The following MYO5B variants were observed in gnomAD, a reference collection of about 807,000 sequenced individuals.
MYO5B encodes the protein unconventional myosin-Vb.
Under a neutral mutation model 229.3 loss-of-function variants are expected in MYO5B, and 143 were observed. The observed-to-expected ratio is 0.62, with a 90% CI of 0.54 to 0.72. The LOEUF is 0.72. MYO5B is among the 30% of genes least tolerant of loss of function. The pLI, the probability that MYO5B is intolerant of heterozygous loss-of-function variation, is 0.00. For missense variants in MYO5B, 2,321 were observed against 2,331.0 expected (o/e 1.00, Z 0.09); for synonymous variants, 918 against 885.2 (o/e 1.04, Z -0.66).
intron 17 of MYO5B, among the ~76,000 whole-genome samples, chr18:49,914,460 C>A (rs1176555972): frequency 2.0e-5 from 3 of 152,070 alleles, no homozygotes; most frequent in Non-Finnish European, 4.4e-5. Flanking sequence ...TAAGAGGGCC[C>A]TTTAAAAATG....
chr18:50,105,249 A>AAATAAATAAATAAATAAAT (rs151090358), intron 1 of MYO5B, among the ~76,000 whole-genome samples: 25 of 141,386 alleles, frequency 1.8e-4, no homozygotes, highest in East Asian at 1.2e-3. Context: ...ATAAATAAAT[A>AAATAAATAAATAAATAAAT]AAAAATAGAT....
At chr18:49,842,482 G>A (rs931610225) in intron 34 of MYO5B, among the ~76,000 whole-genome samples, 4 of 152,240 alleles carry the variant, frequency 2.6e-5, no homozygotes, top group African/African-American at 9.6e-5. Context: ...TATCCTGGAA[G>A]CAGTAATGTG....
At chr18:49,870,722 G>A (rs1282914632) in intron 27 of MYO5B, among the ~76,000 whole-genome samples, 1 of 151,968 alleles carries the variant, frequency 6.6e-6, no homozygotes, top group Admixed American at 6.6e-5. Context: ...ACTACAATGA[G>A]ATATCACCTT....
chr18:50,042,574 G>A (rs2030052501), intron 2 of MYO5B, among the ~76,000 whole-genome samples: 1 of 152,180 alleles, frequency 6.6e-6, no homozygotes, highest in Non-Finnish European at 1.5e-5. Flanking sequence ...CAAAAGGTGG[G>A]AACAGGGGGA....
chr18:49,863,136 G>A, intron 29 of MYO5B, 91 bp downstream of exon 29: 1 of 935,032 alleles, frequency 1.1e-6, no homozygotes, highest in South Asian at 1.3e-5. Context: ...TGAGCACATG[G>A]TCATCACCTG....
At chr18:49,877,420 G>T (rs143767186) in intron 25 of MYO5B, among the ~76,000 whole-genome samples, 64 of 152,322 alleles carry the variant, frequency 4.2e-4, no homozygotes, top group Admixed American at 2.2e-3. Context: ...GGGATAAGTT[G>T]TATCTATTTT....
In MYO5B at chr18:49,937,143, C is replaced by G. The variant is rs999041799; in HGVS notation, c.1905+102G>C. ...ATGGCTGAGGCTACTGATGTCAAGG[C>G]TGCTGTGATGGCTTCCCTCTCACCC... is the stretch of plus-strand genomic sequence containing the variant. On this transcript the variant is annotated intron_variant, in intron 15 of 39. Coordinates refer to ENST00000285039, the MANE Select transcript of MYO5B (RefSeq NM_001080467.3). The G allele has an allele frequency of 2.8e-6, 4 of 1,422,434 alleles. No individual in the cohort carries two copies. In the African/African-American group the frequency reaches 5.6e-5, roughly 20 times the overall value. The allele number at this position is 1,422,434 out of a possible 1,614,324, so 88.1% of individuals were successfully genotyped here. A position where few individuals can be genotyped will look rare whatever the true frequency, so the allele number is the denominator to read the frequency against.
intron 1 of MYO5B, among the ~76,000 whole-genome samples, chr18:50,071,096 T>C (rs73446633): frequency 0.06 from 9,138 of 152,246 alleles, 365 homozygotes; most frequent in African/African-American, 0.11. Flanking sequence ...AATACTGAGA[T>C]TACAGGTGTG....
At chr18:50,053,507 G>A (rs1249888913) in intron 2 of MYO5B, among the ~76,000 whole-genome samples, 2 of 152,206 alleles carry the variant, frequency 1.3e-5, no homozygotes, top group Admixed American at 1.3e-4. Flanking sequence ...CACCATTCAA[G>A]TGGGTGGACT....
chr18:49,908,172 A>G (rs1233942139), intron 18 of MYO5B, among the ~76,000 whole-genome samples: 1 of 152,174 alleles, frequency 6.6e-6, no homozygotes, highest in East Asian at 1.9e-4. Context: ...GGAAGGGATG[A>G]TATGCTCTGC....
At chr18:50,008,014 G>T (rs1333762250) in intron 4 of MYO5B, among the ~76,000 whole-genome samples, 2 of 152,054 alleles carry the variant, frequency 1.3e-5, no homozygotes, top group East Asian at 1.9e-4. Flanking sequence ...TTTCCACCAG[G>T]TTATGCTGGT....
chr18:50,043,351 TAATATA>T (rs60661250), intron 2 of MYO5B, among the ~76,000 whole-genome samples: 25 of 83,282 alleles, frequency 3.0e-4, no homozygotes, highest in South Asian at 7.3e-4. Context: ...ATATTATATA[TAATATA>T]AATATATTAT....
chr18:50,100,591 G>A (rs539265911), intron 1 of MYO5B, among the ~76,000 whole-genome samples: 2 of 152,180 alleles, frequency 1.3e-5, no homozygotes, highest in East Asian at 3.9e-4. Flanking sequence ...AAAGCACATC[G>A]TACTGACTGG....
At chr18:49,939,989 G>A (rs2025296047) in intron 14 of MYO5B, among the ~76,000 whole-genome samples, 1 of 152,152 alleles carries the variant, frequency 6.6e-6, no homozygotes, top group Admixed American at 6.5e-5. Flanking sequence ...GTCCCATATA[G>A]CAGTGACAGC....
chr18:49,855,323 A>G (rs1442423092), intron 30 of MYO5B, among the ~76,000 whole-genome samples: 1 of 152,142 alleles, frequency 6.6e-6, no homozygotes, highest in African/African-American at 2.4e-5. Context: ...CAGGTGAGAA[A>G]ACTAAGGCCA....
At chr18:49,843,007 G>T (rs1157725574) in intron 34 of MYO5B, among the ~76,000 whole-genome samples, 1 of 152,204 alleles carries the variant, frequency 6.6e-6, no homozygotes, top group African/African-American at 2.4e-5. Flanking sequence ...GGGAGGAGCT[G>T]GAGGGCTACC....
chr18:50,074,938 A>G (rs1250441755), intron 1 of MYO5B, among the ~76,000 whole-genome samples: 3 of 151,972 alleles, frequency 2.0e-5, no homozygotes, highest in Admixed American at 1.3e-4. Flanking sequence ...CTCCTGCCTC[A>G]GCCTCCCGAG....
chr18:49,872,151 C>G lies in MYO5B; in HGVS notation c.3603+16G>C, dbSNP rs2024462408. On this transcript the variant is annotated intron_variant, in intron 27 of 39. Transcript: ENST00000285039. ...CAGGGGAGTGTTCCAGGAAGCCTGT[C>G]CCCCAAGAATCTTACCTTCAGACTA... 1 of 1,613,148 alleles carries G rather than the reference C, an allele frequency of 6.2e-7. No homozygotes were observed. Among genetic ancestry groups the G allele is most frequent in the Admixed American group, 1.7e-5 (1 of 60,002 alleles).
intron 17 of MYO5B, among the ~76,000 whole-genome samples, chr18:49,919,843 T>G (rs375562445): frequency 3.3e-5 from 5 of 152,330 alleles, no homozygotes; most frequent in African/African-American, 1.2e-4. Context: ...AAAAAATGTG[T>G]CTACACAAAA....
Sources: allele counts gnomAD v4.1 joint callset (sites outside exome capture counted in the v4.1 genomes callset), GRCh38; gene constraint gnomAD v4.1.1; transcripts MANE v1.5; gene names NCBI Gene and HGNC (gene_info 2026-07-23, HGNC 2026-07-21).